SVOP: variants seen among roughly 807,000 people sequenced by gnomAD.
SVOP encodes synaptic vesicle 2-related protein.
Under a neutral mutation model 69.1 loss-of-function variants are expected in SVOP, and 17 were observed. That is an observed-to-expected ratio of 0.25 (90% confidence interval 0.17 to 0.37). The LOEUF is 0.37. Ranked by LOEUF, SVOP falls within the 10% of genes least tolerant of loss-of-function variation. The pLI, the probability that SVOP is intolerant of heterozygous loss-of-function variation, is 1.00. For missense variants in SVOP, 435 were observed against 597.5 expected (o/e 0.73, Z 2.84); for synonymous variants, 238 against 238.6 (o/e 1.00, Z 0.02).
chr12:108,955,606 G>A (rs952665348), intron 6 of SVOP, among the ~76,000 whole-genome samples: 1 of 152,214 alleles, frequency 6.6e-6, no homozygotes, highest in African/African-American at 2.4e-5. Flanking sequence ...CAAGTGGCAG[G>A]AGGAGGCTGG....
chr12:108,917,279 T>G (rs111365578), intron 14 of SVOP, among the ~76,000 whole-genome samples: 2 of 152,218 alleles, frequency 1.3e-5, no homozygotes, highest in Non-Finnish European at 2.9e-5. Context: ...ATTGCACATA[T>G]ATCTTCATTC....
At chr12:108,982,680 CCATCAT>C (rs1285419281) in intron 2 of SVOP, among the ~76,000 whole-genome samples, 6 of 123,580 alleles carry the variant, frequency 4.9e-5, no homozygotes, top group African/African-American at 1.9e-4. Context: ...ATTATCATCA[CCATCAT>C]CATCATCACC....
intron 10 of SVOP, chr12:108,937,034 C>T (rs2039860737): frequency 3.9e-6 from 2 of 516,744 alleles, no homozygotes; most frequent in Non-Finnish European, 7.1e-6. Flanking sequence ...TGCACTCCAG[C>T]CTGCACGGTG....
At chr12:108,925,352 C>T (rs937376591) in intron 11 of SVOP, among the ~76,000 whole-genome samples, 2 of 152,102 alleles carry the variant, frequency 1.3e-5, no homozygotes, top group Non-Finnish European at 2.9e-5. Flanking sequence ...GTAATACTGC[C>T]GCCATCTTGG....
intron 6 of SVOP, among the ~76,000 whole-genome samples, chr12:108,959,033 T>A (rs1174934840): frequency 6.6e-6 from 1 of 152,164 alleles, no homozygotes; most frequent in Non-Finnish European, 1.5e-5. Context: ...TTCCCCAGGA[T>A]CCCATCCTAG....
rs150719337 is a variant in SVOP, at chr12:108,919,809, T to C, written c.1157-23A>G. 4,846 of 1,519,302 alleles carry C rather than the reference T, an allele frequency of 3.2e-3. 11 individuals are homozygous for C. The highest frequency in any genetic ancestry group is 3.8e-3 in the Non-Finnish European group (4,247 of 1,112,824). The allele number at this position is 1,519,302 out of a possible 1,614,324, so 94.1% of individuals were successfully genotyped here. A position where few individuals can be genotyped will look rare whatever the true frequency, so the allele number is the denominator to read the frequency against. ...CACCTGGAAGGGGAGTGGGGAGAGA[T>C]AGGCAGCTTCCGATGTGATTCCCAA... On this transcript the variant is annotated intron_variant, in intron 12 of 15. Coordinates refer to ENST00000610966, the MANE Select transcript of SVOP (RefSeq NM_018711.5).
rs1210133040 is a variant in SVOP, at chr12:108,969,451, G to A, written c.453+2954C>T. Among the ~76,000 whole-genome samples, 9 of 149,708 alleles carry A rather than the reference G, an allele frequency of 6.0e-5. No homozygotes were observed. The East Asian group carries it at 1.4e-3, about 23-fold the overall frequency. ...GGCTGGAGTGCAATGGCACGATCTC[G>A]GCTCCTGAGTAGCTTACAGGCATGC... On this transcript the variant is annotated intron_variant, in intron 5 of 15. Coordinates refer to ENST00000610966, the MANE Select transcript of SVOP (RefSeq NM_018711.5).
At chr12:109,012,608 C>T (rs2040348189) in intron 1 of SVOP, among the ~76,000 whole-genome samples, 1 of 151,952 alleles carries the variant, frequency 6.6e-6, no homozygotes, top group African/African-American at 2.4e-5. Context: ...GCTGTTCTCC[C>T]AACCTCCCTG....
At chr12:108,994,947 C>A (rs1161647767) in intron 1 of SVOP, among the ~76,000 whole-genome samples, 1 of 151,990 alleles carries the variant, frequency 6.6e-6, no homozygotes, top group Non-Finnish European at 1.5e-5. Context: ...TCAAGACTAG[C>A]CTGGGCAACA....
intron 1 of SVOP, among the ~76,000 whole-genome samples, chr12:109,016,589 C>T (rs945655138): frequency 6.6e-6 from 1 of 152,116 alleles, no homozygotes; most frequent in African/African-American, 2.4e-5. Flanking sequence ...TTTACCCATA[C>T]AGTTTCTTCT....
intron 1 of SVOP, among the ~76,000 whole-genome samples, chr12:108,985,109 C>A (rs2040159811): frequency 6.6e-6 from 1 of 151,968 alleles, no homozygotes; most frequent in Non-Finnish European, 1.5e-5. Flanking sequence ...TGACTTTGGT[C>A]CCAGCTACTT....
chr12:108,995,431 G>A (rs1406832000), intron 1 of SVOP, among the ~76,000 whole-genome samples: 1 of 152,158 alleles, frequency 6.6e-6, no homozygotes, highest in Non-Finnish European at 1.5e-5. Context: ...TTCTACCTAT[G>A]TGAGGGGACC....
chr12:108,945,201 A>T (rs1370921270), intron 6 of SVOP, 35 bp from the exon 7 acceptor site: 1 of 1,534,152 alleles, frequency 6.5e-7, no homozygotes, highest in South Asian at 1.2e-5. Context: ...GGGAGTTAAG[A>T]TCAGAACTGG....
At chr12:109,015,488 G>A (rs2040362909) in intron 1 of SVOP, among the ~76,000 whole-genome samples, 2 of 152,128 alleles carry the variant, frequency 1.3e-5, no homozygotes, top group Admixed American at 1.3e-4. Flanking sequence ...TTAAGTTGAA[G>A]GCAGGACCAA....
chr12:108,918,163 T>C (rs1294457603), intron 13 of SVOP, 39 bp from the exon 14 acceptor site: 2 of 1,509,260 alleles, frequency 1.3e-6, no homozygotes, highest in Admixed American at 4.2e-5. Flanking sequence ...CATTTTTTTC[T>C]GTCTGCTTGT....
In SVOP at chr12:108,961,386, A is replaced by T. The variant is rs1593191884; in HGVS notation, c.454-339T>A. 4.0e-5 allele frequency among the ~76,000 whole-genome samples: 6 copies of T among 148,892 alleles called. 1 individual carries two copies. The highest frequency in any genetic ancestry group is 4.0e-4 in the Admixed American group (6 of 14,976). On this transcript the variant is annotated intron_variant, in intron 5 of 15. Transcript: ENST00000610966. ...TGCAGCTGAAACTCTGTTTCTGATG[A>T]TCTGCACCTAGACTTTTTGCTCTGT...
chr12:109,017,255 C>T (rs2040372337), intron 1 of SVOP, among the ~76,000 whole-genome samples: 1 of 152,054 alleles, frequency 6.6e-6, no homozygotes, highest in Admixed American at 6.5e-5. Context: ...CTATTGTGAA[C>T]TGACACACAA....
chr12:108,927,940 C>G lies in SVOP; in HGVS notation c.1049-5143G>C, dbSNP rs193028388. 1.6e-4 allele frequency among the ~76,000 whole-genome samples: 23 copies of G among 146,596 alleles called. No homozygotes were observed. The East Asian group carries it at 4.6e-3, about 29-fold the overall frequency. On this transcript the variant is annotated intron_variant, in intron 11 of 15. Coordinates refer to ENST00000610966, the MANE Select transcript of SVOP (RefSeq NM_018711.5). The stretch of plus-strand genomic sequence containing the variant: ...TTTTTTTTTGAGAGAGAGTCTCATA[C>G]CATCGCCCAGGTTGGAAAGCAGTGG...
At chr12:108,960,531 G>C (rs1315320703) in intron 6 of SVOP, among the ~76,000 whole-genome samples, 1 of 152,118 alleles carries the variant, frequency 6.6e-6, no homozygotes, top group Admixed American at 6.6e-5. Context: ...GGATATTGTA[G>C]TTACCCACCA....
Sources: gnomAD v4.1 joint callset for allele counts (sites outside exome capture counted in the v4.1 genomes callset) on GRCh38, gnomAD v4.1.1 for gene constraint, MANE v1.5 for transcripts, NCBI Gene and HGNC (gene_info 2026-07-23, HGNC 2026-07-21) for gene names.